MYH11: variants seen among roughly 807,000 people sequenced by gnomAD.
MYH11 encodes myosin heavy chain 11.
Under a neutral mutation model 246.6 loss-of-function variants are expected in MYH11, and 80 were observed. The ratio of observed to expected loss-of-function variants is 0.32; its 90% CI spans 0.27 to 0.39. The LOEUF (loss-of-function observed/expected upper bound fraction) is 0.39. Among genes scored for constraint, MYH11 ranks in the 10% least tolerant of loss-of-function variants. The probability of loss-of-function intolerance (pLI) is 1.00; values close to 1 mark genes in which losing one functional copy is unlikely to be tolerated. For missense variants in MYH11, 2,158 were observed against 2,546.8 expected (o/e 0.85, Z 3.29); for synonymous variants, 1,071 against 1,015.5 (o/e 1.05, Z -1.04).
chr16:15,719,537 T>C, intron 35 of MYH11, 48 bp downstream of exon 35: 5 of 1,612,328 alleles, frequency 3.1e-6, no homozygotes, highest in Non-Finnish European at 4.2e-6. Context: ...CAAGGGGTGC[T>C]ACCGTGACAC....
At chr16:15,772,259 A>AT (rs1262157145) in intron 8 of MYH11, among the ~76,000 whole-genome samples, 2 of 151,294 alleles carry the variant, frequency 1.3e-5, no homozygotes, top group Non-Finnish European at 3.0e-5. Flanking sequence ...GCCCGGCTAA[A>AT]TTTTGTATTT....
chr16:15,766,777 T>G (rs1270009710), intron 9 of MYH11, among the ~76,000 whole-genome samples: 1 of 152,196 alleles, frequency 6.6e-6, no homozygotes, highest in Admixed American at 6.5e-5. Flanking sequence ...TATAGTTAAA[T>G]GTAATTCCAG....
chr16:15,805,670 G>T (rs976782478), intron 3 of MYH11, among the ~76,000 whole-genome samples: 3 of 152,194 alleles, frequency 2.0e-5, no homozygotes, highest in African/African-American at 7.2e-5. Context: ...CCAGCACTTT[G>T]GGAAGCTGAG....
chr16:15,804,346 AC>A (rs2042959706), intron 3 of MYH11, among the ~76,000 whole-genome samples: 1 of 152,134 alleles, frequency 6.6e-6, no homozygotes, highest in East Asian at 1.9e-4. Context: ...ACACGGCAAA[AC>A]CCCGTCTCTA....
Position 15,826,298 on chromosome 16 carries a change from G to T in MYH11, c.346-2887C>A, listed in dbSNP as rs1183726223. Among the ~76,000 whole-genome samples, 5 of 152,100 alleles carry T rather than the reference G, an allele frequency of 3.3e-5. No individual in the cohort carries two copies. The South Asian group carries it at 6.2e-4, about 19-fold the overall frequency. On this transcript the variant is annotated intron_variant, in intron 2 of 40. Transcript: ENST00000300036. The stretch of plus-strand genomic sequence containing the variant: ...AGGGCTGGAGCCAATTAGAGAGTGG[G>T]AAAGTCTGGCTGGGTGTGGTGGCTC...
intron 40 of MYH11, among the ~76,000 whole-genome samples, chr16:15,709,982 T>C (rs62029305): frequency 6.6e-6 from 1 of 152,206 alleles, no homozygotes; most frequent in Non-Finnish European, 1.5e-5. Context: ...AAACTCGCAC[T>C]ACAGTTCCTT....
intron 2 of MYH11, among the ~76,000 whole-genome samples, chr16:15,823,852 C>T (rs1233060399): frequency 1.3e-5 from 2 of 152,092 alleles, no homozygotes; most frequent in Admixed American, 1.3e-4. Context: ...GTCTCAAATT[C>T]CTGGGCTCAA....
At chr16:15,834,157 G>A (rs570552558) in intron 2 of MYH11, among the ~76,000 whole-genome samples, 2 of 151,990 alleles carry the variant, frequency 1.3e-5, no homozygotes, top group Non-Finnish European at 2.9e-5. Flanking sequence ...GTGATGATAC[G>A]TCTTAGATGA....
intron 14 of MYH11, among the ~76,000 whole-genome samples, chr16:15,755,818 G>C (rs1433951833): frequency 2.6e-5 from 4 of 152,206 alleles, no homozygotes; most frequent in Non-Finnish European, 2.9e-5. Flanking sequence ...TGTAATCCCA[G>C]CTATTTGGGA....
At chr16:15,801,684 C>T (rs771853628) in intron 3 of MYH11, among the ~76,000 whole-genome samples, 1 of 151,312 alleles carries the variant, frequency 6.6e-6, no homozygotes, top group Non-Finnish European at 1.5e-5. Context: ...GGGATGGGTG[C>T]GGTGGCTCAC....
intron 27 of MYH11, among the ~76,000 whole-genome samples, chr16:15,728,367 C>T (rs544237748): frequency 6.9e-6 from 1 of 144,532 alleles, no homozygotes; most frequent in East Asian, 1.9e-4. Context: ...AACTTAAAAA[C>T]AAAAACAAAA....
intron 7 of MYH11, 74 bp from the exon 8 acceptor site, chr16:15,776,250 C>T: frequency 1.0e-6 from 1 of 972,072 alleles, no homozygotes; most frequent in Non-Finnish European, 1.7e-6. Flanking sequence ...ATCCCTGTCA[C>T]ACCCAATTCA....
chr16:15,776,210 C>T (rs771988333), intron 7 of MYH11, 34 bp from the exon 8 acceptor site: 1 of 1,443,408 alleles, frequency 6.9e-7, no homozygotes, highest in Non-Finnish European at 9.8e-7. Context: ...TCTGGGGATA[C>T]TGCGGGTGTT....
intron 1 of MYH11, among the ~76,000 whole-genome samples, chr16:15,842,941 C>T (rs1439313216): frequency 6.6e-6 from 1 of 152,114 alleles, no homozygotes; most frequent in African/African-American, 2.4e-5. Flanking sequence ...TTTGGCTTAG[C>T]TCATAGTAAG....
intron 40 of MYH11, chr16:15,712,842 A>T (rs2039881465): frequency 7.0e-6 from 1 of 142,574 alleles, no homozygotes; most frequent in African/African-American, 2.7e-5. Flanking sequence ...TGGGAGAGTG[A>T]TGGGTGGGGG....
chr16:15,822,965 C>T (rs367710507), intron 3 of MYH11, among the ~76,000 whole-genome samples: 36 of 152,374 alleles, frequency 2.4e-4, no homozygotes, highest in East Asian at 1.5e-3. Context: ...CTGTTCCCCA[C>T]CCTCTTTCCA....
At chr16:15,738,536 A>T in intron 24 of MYH11, 29 bp downstream of exon 24, 1 of 1,587,960 alleles carries the variant, frequency 6.3e-7, no homozygotes, top group Non-Finnish European at 8.6e-7. Flanking sequence ...AAAATAAAAT[A>T]AAAATAAATC....
At chr16:15,779,450 C>T (rs2042297559) in intron 6 of MYH11, 1 of 166,192 alleles carries the variant, frequency 6.0e-6, no homozygotes, top group African/African-American at 2.4e-5. Context: ...CCCACTATCC[C>T]CATTTTAAAG....
At chr16:15,796,890 C>G (rs1000192319) in intron 4 of MYH11, among the ~76,000 whole-genome samples, 2 of 152,154 alleles carry the variant, frequency 1.3e-5, no homozygotes, top group African/African-American at 4.8e-5. Context: ...GCATTTATAT[C>G]CTCATAGCTA....
Sources: allele counts gnomAD v4.1 joint callset (sites outside exome capture counted in the v4.1 genomes callset), GRCh38; gene constraint gnomAD v4.1.1; transcripts MANE v1.5; gene names NCBI Gene and HGNC (gene_info 2026-07-23, HGNC 2026-07-21).